The following RRAGD variants were observed in gnomAD, a reference collection of about 807,000 sequenced individuals.
RRAGD encodes the protein ras-related GTP-binding protein D.
A neutral mutation model predicts 35.5 loss-of-function variants in RRAGD; 12 were observed. That is an observed-to-expected ratio of 0.34 (90% CI 0.22 to 0.55). The LOEUF is 0.55. Ranked by LOEUF, RRAGD falls within the 20% of genes least tolerant of loss-of-function variation. The pLI, the probability that RRAGD is intolerant of heterozygous loss-of-function variation, is 0.91. For synonymous variants in RRAGD, 155 were observed against 178.9 expected (o/e 0.87, Z 1.07); for missense variants, 324 against 490.1 (o/e 0.66, Z 3.20).
chr6:89,377,409 T>C (rs1313965006), intron 5 of RRAGD, among the ~76,000 whole-genome samples: 1 of 152,052 alleles, frequency 6.6e-6, no homozygotes. Context: ...AGCCCAGGAG[T>C]GATCTATCCT....
In RRAGD at chr6:89,412,007, CG is replaced by C; in HGVS notation, c.-15del. 6.6e-7 allele frequency: 1 copy of C among 1,523,870 alleles called. No homozygotes were observed. Among genetic ancestry groups the C allele is most frequent in the South Asian group, 1.2e-5 (1 of 82,854 alleles). The allele number at this position is 1,523,870 out of a possible 1,614,324, so 94.4% of individuals were successfully genotyped here. ...CACCTGGCTCATCGTGCCCACCGGCCGGCCGGCCCGGGGACGGCGGGGGTCC... is the reference window on the plus strand; with the variant it reads ...CACCTGGCTCATCGTGCCCACCGGCCGCCGGCCCGGGGACGGCGGGGGTCC... On this transcript the variant is annotated 5_prime_UTR_variant, in exon 1 of 7. Transcript: ENST00000369415. The surrounding 1 kb of genome is among the most constrained non-coding windows in gnomAD (Gnocchi z 4.2).
At chr6:89,382,716 A>G (rs1474474950) in intron 2 of RRAGD, among the ~76,000 whole-genome samples, 1 of 151,806 alleles carries the variant, frequency 6.6e-6, no homozygotes, top group East Asian at 1.9e-4. Context: ...TCTACTAAAA[A>G]AATACAAAAA....
chr6:89,392,551 CCTT>C (rs1303330903), intron 1 of RRAGD, among the ~76,000 whole-genome samples: 3 of 151,494 alleles, frequency 2.0e-5, no homozygotes, highest in Non-Finnish European at 2.9e-5. Flanking sequence ...TTTCTTATTT[CCTT>C]CTTAACTATA....
intron 6 of RRAGD, among the ~76,000 whole-genome samples, chr6:89,370,110 G>T (rs538106023): frequency 1.3e-5 from 2 of 152,290 alleles, no homozygotes; most frequent in East Asian, 1.9e-4. Flanking sequence ...GTGGTGGTGT[G>T]ATGTTGAGAG....
At chr6:89,407,998 G>A (rs2127899723) in intron 1 of RRAGD, among the ~76,000 whole-genome samples, 1 of 152,200 alleles carries the variant, frequency 6.6e-6, no homozygotes, top group East Asian at 1.9e-4. Context: ...CTAAATACAG[G>A]CATTCGAACA....
chr6:89,394,168 A>T (rs1769289443), intron 1 of RRAGD, among the ~76,000 whole-genome samples: 1 of 152,188 alleles, frequency 6.6e-6, no homozygotes, highest in Non-Finnish European at 1.5e-5. Flanking sequence ...TTAACAAAAG[A>T]TAAAACTCAA....
intron 2 of RRAGD, 105 bp downstream of exon 2, chr6:89,387,190 T>C: frequency 8.7e-7 from 1 of 1,155,692 alleles, no homozygotes; most frequent in African/African-American, 1.5e-5. Context: ...GAAACACTTG[T>C]TTGGTAGAAA....
At chr6:89,368,382 T>C (rs1768794376) in intron 6 of RRAGD, among the ~76,000 whole-genome samples, 175 bp from the exon 7 acceptor site, 1 of 152,156 alleles carries the variant, frequency 6.6e-6, no homozygotes, top group Non-Finnish European at 1.5e-5. Flanking sequence ...TATAAATCTT[T>C]AGGAATTATA....
intron 1 of RRAGD, among the ~76,000 whole-genome samples, chr6:89,389,352 A>G (rs1769191177): frequency 6.6e-6 from 1 of 151,990 alleles, no homozygotes; most frequent in African/African-American, 2.4e-5. Context: ...TCAGCAGATC[A>G]AGACCACCCT....
In RRAGD at chr6:89,411,902, T is replaced by A; in HGVS notation, c.92A>T (p.Tyr31Phe). 1 of 1,545,704 alleles carries A rather than the reference T, an allele frequency of 6.5e-7. No homozygotes were observed. Among genetic ancestry groups the A allele is most frequent in the East Asian group, 2.4e-5 (1 of 41,168 alleles). The change falls in exon 1 of 7, where the codon TAC (tyrosine) becomes TTC (phenylalanine). Residue 31 changes from tyrosine to phenylalanine, a missense_variant. Coordinates refer to ENST00000369415, the MANE Select transcript of RRAGD (RefSeq NM_021244.5). This position sits in a 1 kb window ranked among gnomAD's most constrained non-coding sequence, Gnocchi z 5.6. Reference protein sequence around the residue: ...EEDELVGLADYGDGPDSSDAD... With the variant: ...EEDELVGLADFGDGPDSSDAD... ...GTCGGAGGAGTCGGGCCCGTCTCCG[T>A]AGTCCGCTAGCCCCACCAGCTCATC... is the stretch of plus-strand genomic sequence containing the variant.
intron 5 of RRAGD, among the ~76,000 whole-genome samples, chr6:89,373,319 T>G (rs1768882891): frequency 6.6e-6 from 1 of 152,202 alleles, no homozygotes; most frequent in Non-Finnish European, 1.5e-5. Flanking sequence ...AAGAGTTAAA[T>G]AAGATATATA....
chr6:89,389,640 A>C (rs1352639790), intron 1 of RRAGD, among the ~76,000 whole-genome samples: 1 of 152,000 alleles, frequency 6.6e-6, no homozygotes, highest in Non-Finnish European at 1.5e-5. Context: ...TGAAACATAT[A>C]GTATTAATTC....
At chr6:89,391,956 CA>C (rs5878093) in intron 1 of RRAGD, among the ~76,000 whole-genome samples, 1,005 of 99,094 alleles carry the variant, frequency 0.01, 1 homozygote, top group East Asian at 0.02. Context: ...GACCCTATCT[CA>C]AAAAAAAAAA....
chr6:89,402,038 ATT>A (rs71556520), intron 1 of RRAGD, among the ~76,000 whole-genome samples: 51 of 78,424 alleles, frequency 6.5e-4, no homozygotes, highest in Admixed American at 1.3e-3. Context: ...AATCCTAAGG[ATT>A]TTTTTTTTTT....
chr6:89,407,051 T>C (rs1241508408), intron 1 of RRAGD, among the ~76,000 whole-genome samples: 2 of 152,226 alleles, frequency 1.3e-5, no homozygotes, highest in African/African-American at 4.8e-5. Flanking sequence ...TCTTACAAAC[T>C]TTTTAACAAT....
intron 1 of RRAGD, among the ~76,000 whole-genome samples, chr6:89,393,013 G>A (rs1296839900): frequency 6.6e-6 from 1 of 152,198 alleles, no homozygotes; most frequent in African/African-American, 2.4e-5. Flanking sequence ...CCCAGTCACA[G>A]TACTGCCATT....
At chr6:89,386,610 T>C (rs1404895715) in intron 2 of RRAGD, among the ~76,000 whole-genome samples, 1 of 152,208 alleles carries the variant, frequency 6.6e-6, no homozygotes, top group Non-Finnish European at 1.5e-5. Flanking sequence ...GGAATCTGAA[T>C]AGCAGTATGA....
intron 1 of RRAGD, among the ~76,000 whole-genome samples, chr6:89,404,632 A>G (rs1472814062): frequency 6.6e-6 from 1 of 152,222 alleles, no homozygotes; most frequent in Non-Finnish European, 1.5e-5. Context: ...AGCCATTATC[A>G]GTCTTTAACA....
chr6:89,365,017 A>G lies in RRAGD; in HGVS notation c.*3039T>C, dbSNP rs1003831708. On this transcript the variant is annotated 3_prime_UTR_variant, in exon 7 of 7. Transcript: ENST00000369415. ...AGTCTGTACAAGTTGAATACATACC[A>G]TACTTTAATAACCAAGACAATTCAG... 6.6e-6 allele frequency: 1 copy of G among 152,240 alleles called. No individual in the cohort carries two copies. Among genetic ancestry groups the G allele is most frequent in the East Asian group, 1.9e-4 (1 of 5,202 alleles). 9.4% of individuals were successfully genotyped at this position (152,240 alleles called of 1,614,324 possible). A position where few individuals can be genotyped will look rare whatever the true frequency, so the allele number is the denominator to read the frequency against.
Sources: gnomAD v4.1 joint callset for allele counts (sites outside exome capture counted in the v4.1 genomes callset) on GRCh38, gnomAD v4.1.1 for gene constraint, Gnocchi (gnomAD v3.1) non-coding constraint, MANE v1.5 for transcripts, NCBI Gene and HGNC (gene_info 2026-07-23, HGNC 2026-07-21) for gene names.